The following MPP7 variants were observed in gnomAD, a reference collection of about 807,000 sequenced individuals.
MPP7 encodes MAGUK p55 scaffold protein 7, also known as MAGUK p55 subfamily member 7.
MPP7 carries 60 observed loss-of-function variants against 76.5 expected under a neutral mutation model. The observed-to-expected ratio is 0.78, with a 90% CI of 0.64 to 0.97. The LOEUF is 0.97. Among genes scored for constraint, MPP7 ranks in the 50% least tolerant of loss-of-function variants. The probability of loss-of-function intolerance (pLI) is 0.00; values close to 1 mark genes in which losing one functional copy is unlikely to be tolerated. For synonymous variants in MPP7, 237 were observed against 244.5 expected, an observed-to-expected ratio of 0.97 and a Z score of 0.29; for missense variants, 641 against 694.0, an observed-to-expected ratio of 0.92 and a Z score of 0.86.
chr10:28,126,465 T>A (rs1462882089), intron 6 of MPP7, among the ~76,000 whole-genome samples: 2 of 152,228 alleles, frequency 1.3e-5, no homozygotes, highest in Non-Finnish European at 2.9e-5. Flanking sequence ...AGTTTCTGGA[T>A]GATAAACTGA....
chr10:28,252,922 G>T (rs533000639), intron 1 of MPP7, among the ~76,000 whole-genome samples: 5 of 146,878 alleles, frequency 3.4e-5, no homozygotes, highest in Non-Finnish European at 6.1e-5. Flanking sequence ...TTTTTTGGGA[G>T]GGGGGGGCGG....
Position 28,315,333 on chromosome 10 carries a change from AGAAGGAGGGAGG to A in MPP7, c.-132+14584_-132+14595del, listed in dbSNP as rs1223799523. ...AAAGGAAGGAAGGAAAGAGAGGGAAAGAAGGAGGGAGGGAAGGAGGGAGGAAGGAGGGAAGGA... is the reference window on the plus strand; with the variant it reads ...AAAGGAAGGAAGGAAAGAGAGGGAAAGAAGGAGGGAGGAAGGAGGGAAGGA... On this transcript the variant is annotated intron_variant, in intron 2 of 11. Coordinates refer to the MPP7 transcript ENST00000441595. Among the ~76,000 whole-genome samples the A allele has an allele frequency of 1.6e-3, 232 of 142,598 alleles. 2 individuals are homozygous for A. The East Asian group carries it at 0.032, about 20-fold the overall frequency. The allele number at this position is 142,598 out of a possible 152,430, so 93.5% of individuals were successfully genotyped here.
At chr10:28,084,511 T>C (rs1355570567) in intron 12 of MPP7, among the ~76,000 whole-genome samples, 4 of 152,144 alleles carry the variant, frequency 2.6e-5, no homozygotes, top group Admixed American at 1.3e-4. Flanking sequence ...GATTAGAAAC[T>C]GCATCTTAAC....
At chr10:28,209,135 C>A (rs1343336380) in intron 2 of MPP7, among the ~76,000 whole-genome samples, 1 of 152,136 alleles carries the variant, frequency 6.6e-6, no homozygotes, top group African/African-American at 2.4e-5. Flanking sequence ...GTACAGCCTG[C>A]AGAGCCGTGA....
At chr10:28,216,134 C>CTT (rs75023615) in intron 2 of MPP7, among the ~76,000 whole-genome samples, 26,679 of 151,590 alleles carry the variant, frequency 0.18, 2,678 homozygotes, top group African/African-American at 0.27. Flanking sequence ...ACACCCAACA[C>CTT]TGGGAGGCTG....
At chr10:28,243,266 T>C (rs1055835322) in intron 1 of MPP7, among the ~76,000 whole-genome samples, 27 of 152,256 alleles carry the variant, frequency 1.8e-4, no homozygotes, top group Admixed American at 1.2e-3. Flanking sequence ...TTGCATCCAC[T>C]AGAGGCTCAT....
chr10:28,091,477 G>A (rs943395718), intron 11 of MPP7, among the ~76,000 whole-genome samples: 1 of 151,916 alleles, frequency 6.6e-6, no homozygotes, highest in Admixed American at 6.6e-5. Context: ...TAGTAGAGAC[G>A]GGGTTTCACC....
At chr10:28,228,207 A>AT (rs966104435) in intron 2 of MPP7, among the ~76,000 whole-genome samples, 81 of 151,790 alleles carry the variant, frequency 5.3e-4, no homozygotes, top group African/African-American at 1.5e-3. Context: ...TTAACATGAG[A>AT]TTTTTTTTTA....
intron 6 of MPP7, among the ~76,000 whole-genome samples, chr10:28,127,760 G>A (rs1835065484): frequency 6.6e-6 from 1 of 152,202 alleles, no homozygotes; most frequent in Admixed American, 6.5e-5. Context: ...CTATCAGGTG[G>A]TAAACACTGT....
intron 3 of MPP7, among the ~76,000 whole-genome samples, chr10:28,188,005 A>C (rs1837291340): frequency 6.6e-6 from 1 of 152,220 alleles, no homozygotes; most frequent in Non-Finnish European, 1.5e-5. Flanking sequence ...GGTTGGAGAA[A>C]TAAAACTTCA....
chr10:28,125,783 G>C (rs1335168702), intron 6 of MPP7, among the ~76,000 whole-genome samples: 1 of 152,114 alleles, frequency 6.6e-6, no homozygotes. Flanking sequence ...CTAAGTATTG[G>C]CATAAGATTA....
At chr10:28,322,726 C>CA (rs771078438) in intron 2 of MPP7, among the ~76,000 whole-genome samples, 3 of 152,180 alleles carry the variant, frequency 2.0e-5, no homozygotes, top group Non-Finnish European at 2.9e-5. Flanking sequence ...CTGAAGAAGA[C>CA]AAAGTTTCCT....
chr10:28,063,156 A>T (rs1172280891), intron 13 of MPP7, among the ~76,000 whole-genome samples: 2 of 152,178 alleles, frequency 1.3e-5, no homozygotes, highest in East Asian at 3.9e-4. Context: ...GTCACGAGAC[A>T]AACAGTCCAG....
intron 12 of MPP7, among the ~76,000 whole-genome samples, chr10:28,086,671 T>A (rs1222800869): frequency 1.3e-5 from 2 of 152,200 alleles, no homozygotes; most frequent in Non-Finnish European, 2.9e-5. Flanking sequence ...CCGTTTCAAC[T>A]GCTGACCAGT....
rs1270859991 is a variant in MPP7, at chr10:28,221,023, C to T, written c.37+17545G>A. Among the ~76,000 whole-genome samples the T allele has an allele frequency of 2.0e-5, 3 of 152,154 alleles. No homozygotes were observed. In the East Asian group the frequency reaches 5.8e-4, roughly 29 times the overall value. On this transcript the variant is annotated intron_variant, in intron 2 of 16. Coordinates refer to ENST00000683449, the MANE Select transcript of MPP7 (RefSeq NM_001318170.2). The stretch of plus-strand genomic sequence containing the variant: ...AATGGCTTTCTTTGCAAACATTCTC[C>T]AAGAACAACCTGTTACACAATAATG...
intron 1 of MPP7, among the ~76,000 whole-genome samples, 100 bp downstream of exon 1, chr10:28,302,761 C>A (rs1415243891): frequency 6.6e-6 from 1 of 152,074 alleles, no homozygotes; most frequent in African/African-American, 2.4e-5. Flanking sequence ...CGGCACCGCT[C>A]GGCCCGGTCG....
chr10:28,299,766 C>CTTTTTTTT (rs59047415), intron 1 of MPP7, among the ~76,000 whole-genome samples: 2,524 of 132,410 alleles, frequency 0.019, 110 homozygotes, highest in African/African-American at 0.06. Context: ...AAATTCAAGA[C>CTTTTTTTT]TTTTTTTTTT....
At chr10:28,283,061 A>T (rs1589026845) in intron 1 of MPP7, among the ~76,000 whole-genome samples, 1 of 152,054 alleles carries the variant, frequency 6.6e-6, no homozygotes, top group Non-Finnish European at 1.5e-5. Context: ...CTACTTTTCA[A>T]TGTGACCCAG....
chr10:28,115,171 C>T (rs941728643), intron 11 of MPP7, among the ~76,000 whole-genome samples: 1 of 151,956 alleles, frequency 6.6e-6, no homozygotes, highest in African/African-American at 2.4e-5. Flanking sequence ...GGCACAATCT[C>T]GGCTCACTGC....
Sources: gnomAD v4.1 joint callset for allele counts (sites outside exome capture counted in the v4.1 genomes callset) on GRCh38, gnomAD v4.1.1 for gene constraint, MANE v1.5 for transcripts, NCBI Gene and HGNC (gene_info 2026-07-23, HGNC 2026-07-21) for gene names.